TRIM55: variants seen among roughly 807,000 people sequenced by gnomAD.
The protein encoded by TRIM55 is tripartite motif containing 55.
In TRIM55, 50 loss-of-function variants were observed where a neutral mutation model predicts 60.9. The observed-to-expected ratio is 0.82, with a 90% CI of 0.65 to 1.04. TRIM55 has a LOEUF of 1.04. Ranked by LOEUF, TRIM55 falls within the 50% of genes least tolerant of loss-of-function variation. The probability of loss-of-function intolerance (pLI) is 0.00; values close to 1 mark genes in which losing one functional copy is unlikely to be tolerated. For missense variants in TRIM55, 681 were observed against 666.9 expected (o/e 1.02, Z -0.23); for synonymous variants, 237 against 238.1 (o/e 1.00, Z 0.04).
chr8:66,121,906 G>A (rs139585377), upstream of TRIM55, among the ~76,000 whole-genome samples: 5 of 152,160 alleles, frequency 3.3e-5, no homozygotes, highest in East Asian at 5.8e-4. Flanking sequence ...TCCAAATCCC[G>A]GAGCCTGAAG....
intron 8 of TRIM55, among the ~76,000 whole-genome samples, chr8:66,153,065 G>C (rs543501271): frequency 5.9e-5 from 9 of 152,032 alleles, no homozygotes; most frequent in Admixed American, 5.9e-4. Flanking sequence ...AGCATACAGA[G>C]TAAGAAATAA....
At chr8:66,152,885 G>A (rs1810519607) in intron 8 of TRIM55, among the ~76,000 whole-genome samples, 1 of 148,236 alleles carries the variant, frequency 6.7e-6, no homozygotes, top group Admixed American at 6.8e-5. Context: ...CAAATCAAAG[G>A]CAATCTTTGT....
the TRIM55 span, among the ~76,000 whole-genome samples, chr8:66,118,909 A>G: frequency 6.6e-6 from 1 of 152,214 alleles, no homozygotes; most frequent in African/African-American, 2.4e-5. Flanking sequence ...ATGGATGGAC[A>G]GGTGGATGCA....
upstream of TRIM55, among the ~76,000 whole-genome samples, chr8:66,126,440 C>G (rs1808822945): frequency 6.6e-6 from 1 of 152,156 alleles, no homozygotes; most frequent in Non-Finnish European, 1.5e-5. Context: ...TGTGGAAGAG[C>G]AAACAGCATA....
chr8:66,149,513 A>G, intron 4 of TRIM55, 132 bp from the exon 5 acceptor site: 1 of 698,126 alleles, frequency 1.4e-6, no homozygotes, highest in Non-Finnish European at 2.4e-6. Flanking sequence ...CCATACCTAA[A>G]TAGACATCTT....
chr8:66,156,683 C>T (rs1329875523), intron 9 of TRIM55, among the ~76,000 whole-genome samples: 1 of 152,116 alleles, frequency 6.6e-6, no homozygotes, highest in Non-Finnish European at 1.5e-5. Context: ...CTATTTCTGG[C>T]TCACTGACTT....
chr8:66,114,362 T>C, the TRIM55 span, among the ~76,000 whole-genome samples: 2 of 152,150 alleles, frequency 1.3e-5, no homozygotes, highest in Admixed American at 6.5e-5. Flanking sequence ...GAGCTCCAGC[T>C]TACCACTCTA....
intron 9 of TRIM55, among the ~76,000 whole-genome samples, chr8:66,161,418 G>A (rs921208257): frequency 6.6e-6 from 1 of 152,052 alleles, no homozygotes; most frequent in African/African-American, 2.4e-5. Context: ...ATGCTGTTTT[G>A]GTAATTATGG....
At chr8:66,134,633 G>A (rs753053804) in intron 2 of TRIM55, among the ~76,000 whole-genome samples, 16 of 152,108 alleles carry the variant, frequency 1.1e-4, no homozygotes, top group African/African-American at 1.9e-4. Flanking sequence ...ACCAGGGTTC[G>A]ATATTCTACT....
chr8:66,128,411 A>G lies in TRIM55; in HGVS notation c.276A>G (p.Val92=). Residue 92 remains valine, a synonymous_variant, in exon 2 of 10, where the codon GTA becomes GTG. Transcript: ENST00000315962. ...RHEVVLDRHG[V]YGLQRNLLVE... is the part of the protein sequence containing the mutation. ...AAGTGGTTTTGGATAGACATGGGGT[A>G]TATGGACTTCAGAGGAACCTGCTGG... 1 of 1,613,898 alleles carries G rather than the reference A, an allele frequency of 6.2e-7. No individual in the cohort carries two copies. Among genetic ancestry groups the G allele is most frequent in the Non-Finnish European group, 8.5e-7 (1 of 1,179,896 alleles).
At chr8:66,160,831 C>T (rs564399068) in intron 9 of TRIM55, among the ~76,000 whole-genome samples, 22 of 148,914 alleles carry the variant, frequency 1.5e-4, no homozygotes, top group African/African-American at 4.4e-4. Flanking sequence ...TGAGAATTGT[C>T]TGTTCATGTC....
At chr8:66,157,319 G>A (rs937055578) in intron 9 of TRIM55, among the ~76,000 whole-genome samples, 1 of 152,172 alleles carries the variant, frequency 6.6e-6, no homozygotes. Flanking sequence ...CATAGAGAAG[G>A]ACACCTGTTC....
upstream of TRIM55, among the ~76,000 whole-genome samples, chr8:66,122,834 T>C (rs1808683852): frequency 6.6e-6 from 1 of 152,208 alleles, no homozygotes; most frequent in Non-Finnish European, 1.5e-5. Context: ...AGATACCAAA[T>C]TCCAATCTGA....
chr8:66,128,265 G>A (rs1458497761), intron 1 of TRIM55, 39 bp from the exon 2 acceptor site: 2 of 1,534,626 alleles, frequency 1.3e-6, no homozygotes, highest in Non-Finnish European at 1.8e-6. Context: ...GCTGCTTGTG[G>A]CATTACCCAA....
intron 7 of TRIM55, among the ~76,000 whole-genome samples, chr8:66,151,524 T>C (rs922401916): frequency 4.6e-5 from 7 of 152,164 alleles, no homozygotes; most frequent in Admixed American, 4.6e-4. Context: ...CGCTTAATAT[T>C]GCCTGTCCTT....
chr8:66,114,032 C>G, the TRIM55 span, among the ~76,000 whole-genome samples: 1 of 149,236 alleles, frequency 6.7e-6, no homozygotes. Flanking sequence ...TAGGCGCGCG[C>G]CCGTGGCCAT....
chr8:66,147,794 CAA>C (rs1180935272), intron 4 of TRIM55, among the ~76,000 whole-genome samples: 2,771 of 44,148 alleles, frequency 0.063, 91 homozygotes, highest in African/African-American at 0.18. Flanking sequence ...GACTCCATCT[CAA>C]AAAAAAAAAA....
chr8:66,139,770 A>T (rs2128976330), intron 4 of TRIM55, among the ~76,000 whole-genome samples: 1 of 152,226 alleles, frequency 6.6e-6, no homozygotes, highest in South Asian at 2.1e-4. Flanking sequence ...TTACCTGTTT[A>T]TTTCATTTCT....
intron 9 of TRIM55, among the ~76,000 whole-genome samples, chr8:66,169,229 TG>T (rs1329335806): frequency 6.6e-6 from 1 of 152,022 alleles, no homozygotes; most frequent in Non-Finnish European, 1.5e-5. Context: ...GTAGAAGAGG[TG>T]GGGTGAGATG....
Sources: gnomAD v4.1 joint callset for allele counts (sites outside exome capture counted in the v4.1 genomes callset) on GRCh38, gnomAD v4.1.1 for gene constraint, MANE v1.5 for transcripts, NCBI Gene and HGNC (gene_info 2026-07-23, HGNC 2026-07-21) for gene names.